Variants in KSR1 observed in about 807,000 individuals in gnomAD.
The protein encoded by KSR1 is kinase suppressor of ras.
A neutral mutation model predicts 92.9 loss-of-function variants in KSR1; 35 were observed. The ratio of observed to expected loss-of-function variants is 0.38; its 90% CI spans 0.29 to 0.50. The LOEUF (loss-of-function observed/expected upper bound fraction) is 0.50. Among genes scored for constraint, KSR1 ranks in the 20% least tolerant of loss-of-function variants. The probability of loss-of-function intolerance (pLI) is 0.94; values close to 1 mark genes in which losing one functional copy is unlikely to be tolerated. For synonymous variants in KSR1, 467 were observed against 472.6 expected, an observed-to-expected ratio of 0.99 and a Z score of 0.15; for missense variants, 972 against 1,158.5, an observed-to-expected ratio of 0.84 and a Z score of 2.34.
At chr17:27,531,548 G>A (rs942458638) in intron 1 of KSR1, among the ~76,000 whole-genome samples, 42 of 125,536 alleles carry the variant, frequency 3.3e-4, no homozygotes, top group African/African-American at 1.4e-3. Context: ...TGTTCTGTGG[G>A]CGAGTGCTTG....
rs527446823 is a variant in KSR1 at position 27,515,437 on chromosome 17, C to T, written c.232-35131C>T. Among the ~76,000 whole-genome samples the T allele has an allele frequency of 3.4e-4, 52 of 152,236 alleles. No individual in the cohort carries two copies. The South Asian group carries it at 1.0e-2, about 29-fold the overall frequency. On this transcript the variant is annotated intron_variant, in intron 1 of 20. Transcript: ENST00000644974. ...CTCAGAACGTATTTCTGTCGTTACACGCCGCATGACTGTAGTTTGAGAAGA... is the reference window on the plus strand; with the variant it reads ...CTCAGAACGTATTTCTGTCGTTACATGCCGCATGACTGTAGTTTGAGAAGA...
At chr17:27,496,976 C>A (rs1032879519) in intron 1 of KSR1, among the ~76,000 whole-genome samples, 1 of 152,188 alleles carries the variant, frequency 6.6e-6, no homozygotes, top group African/African-American at 2.4e-5. Flanking sequence ...ATTTGTCTTT[C>A]TTTTTGCGTA....
intron 14 of KSR1, among the ~76,000 whole-genome samples, chr17:27,606,480 T>C (rs2073756388): frequency 1.3e-5 from 2 of 152,248 alleles, no homozygotes; most frequent in South Asian, 4.1e-4. Flanking sequence ...TCATGCTGGC[T>C]CACACCTTGC....
chr17:27,497,216 C>T (rs2069019069), intron 1 of KSR1, among the ~76,000 whole-genome samples: 1 of 152,208 alleles, frequency 6.6e-6, no homozygotes, highest in South Asian at 2.1e-4. Flanking sequence ...TTTCATTCTT[C>T]CAGATGGTGA....
intron 2 of KSR1, among the ~76,000 whole-genome samples, chr17:27,569,198 A>G (rs969650575): frequency 6.6e-6 from 1 of 152,226 alleles, no homozygotes; most frequent in African/African-American, 2.4e-5. Context: ...GGGAGTAGGG[A>G]AACCCACTCT....
chr17:27,508,116 G>A (rs940870064), intron 1 of KSR1, among the ~76,000 whole-genome samples: 12 of 152,174 alleles, frequency 7.9e-5, no homozygotes, highest in African/African-American at 2.4e-4. Context: ...GTTCACTGTG[G>A]CAGCCACCCT....
At chr17:27,621,781 G>T in intron 20 of KSR1, 1 of 694,474 alleles carries the variant, frequency 1.4e-6, no homozygotes, top group Non-Finnish European at 2.5e-6. Context: ...AAGCCTGGGG[G>T]ATGGAGTCCA....
intron 1 of KSR1, among the ~76,000 whole-genome samples, chr17:27,512,916 G>A (rs944410356): frequency 2.6e-5 from 4 of 152,108 alleles, no homozygotes. Context: ...TCCAAGAGAA[G>A]GAACCCTGCC....
intron 1 of KSR1, among the ~76,000 whole-genome samples, chr17:27,536,753 G>A (rs1316489391): frequency 6.6e-6 from 1 of 152,224 alleles, no homozygotes; most frequent in East Asian, 1.9e-4. Flanking sequence ...CCCTGCTCAT[G>A]CACCTGACCC....
chr17:27,598,043 C>T (rs1424060640), intron 10 of KSR1, among the ~76,000 whole-genome samples: 1 of 152,196 alleles, frequency 6.6e-6, no homozygotes, highest in Non-Finnish European at 1.5e-5. Context: ...CACCCCAGCC[C>T]ACTGCCTGGT....
chr17:27,617,217 C>A, intron 18 of KSR1, 78 bp from the exon 19 acceptor site: 1 of 1,454,802 alleles, frequency 6.9e-7, no homozygotes, highest in East Asian at 2.5e-5. Context: ...TCAAAGGGAC[C>A]CTTTGTGGAG....
intron 1 of KSR1, among the ~76,000 whole-genome samples, chr17:27,497,908 C>T (rs1007871471): frequency 1.1e-4 from 16 of 152,196 alleles, no homozygotes; most frequent in Admixed American, 2.0e-4. Context: ...ACAGCAAGAC[C>T]GTCACGGTGG....
At chr17:27,479,146 C>G (rs1221413356) in intron 1 of KSR1, among the ~76,000 whole-genome samples, 1 of 150,374 alleles carries the variant, frequency 6.7e-6, no homozygotes, top group East Asian at 2.0e-4. Flanking sequence ...GTGTGCTCCT[C>G]CCTCCATCCA....
chr17:27,586,509 A>T (rs2072973378), intron 5 of KSR1, among the ~76,000 whole-genome samples: 1 of 152,176 alleles, frequency 6.6e-6, no homozygotes. Context: ...CCAGGGAGGC[A>T]CAGGGGGAGC....
At chr17:27,486,354 G>T (rs1355038416) in intron 1 of KSR1, among the ~76,000 whole-genome samples, 2 of 152,202 alleles carry the variant, frequency 1.3e-5, no homozygotes, top group East Asian at 3.8e-4. Context: ...TGCCTGGTTG[G>T]CATGAAGGCA....
chr17:27,574,767 A>T (rs1644397669), intron 2 of KSR1, among the ~76,000 whole-genome samples: 1 of 152,206 alleles, frequency 6.6e-6, no homozygotes, highest in Non-Finnish European at 1.5e-5. Context: ...AAAAATCAGG[A>T]TTGGCTTAGA....
chr17:27,623,325 G>A lies in KSR1; in HGVS notation c.2720G>A (p.Ser907Asn). The A allele has an allele frequency of 1.3e-6, 1 of 765,100 alleles. No homozygotes were observed. Among genetic ancestry groups the A allele is most frequent in the Non-Finnish European group, 2.4e-6 (1 of 417,820 alleles). The allele number at this position is 765,100 out of a possible 1,614,324, so 47.4% of individuals were successfully genotyped here. A position where few individuals can be genotyped will look rare whatever the true frequency, so the allele number is the denominator to read the frequency against. Residue 907 changes from serine to asparagine, a missense_variant, in exon 21 of 21, where the codon AGC (serine) becomes AAC (asparagine). This residue lies in a region of KSR1 where 46 missense variants were observed against 39.0 expected (regional missense o/e 1.18). Coordinates refer to ENST00000644974, the MANE Select transcript of KSR1 (RefSeq NM_001394583.1). ...GTTCCTCTTTGCAGCATTAACAGCA[G>A]CAAAGTTGTACCCCGGTTTGAAAGG... ...CPILEEYINS[S>N]KVVPRFERFG...
intron 1 of KSR1, among the ~76,000 whole-genome samples, chr17:27,495,164 AGGAGCTTGTG>A (rs1303279331): frequency 1.3e-5 from 2 of 152,222 alleles, no homozygotes; most frequent in East Asian, 3.8e-4. Context: ...TTAGCAGGAC[AGGAGCTTGTG>A]GGCTTCTGAA....
chr17:27,463,693 G>A (rs1388031113), intron 1 of KSR1, among the ~76,000 whole-genome samples: 1 of 152,082 alleles, frequency 6.6e-6, no homozygotes, highest in Non-Finnish European at 1.5e-5. Context: ...GCGGAGGGAG[G>A]GGCTGGATTT....
Sources: gnomAD v4.1 joint callset for allele counts (sites outside exome capture counted in the v4.1 genomes callset) on GRCh38, gnomAD v4.1.1 for gene constraint, gnomAD v4.1.1 regional missense constraint, MANE v1.5 for transcripts, NCBI Gene and HGNC (gene_info 2026-07-23, HGNC 2026-07-21) for gene names.